LRP1B: variants seen among roughly 807,000 people sequenced by gnomAD.
The protein encoded by LRP1B is LDL receptor related protein 1B.
A neutral mutation model predicts 556.6 loss-of-function variants in LRP1B; 217 were observed. That is an observed-to-expected ratio of 0.39 (90% confidence interval 0.35 to 0.44). The LOEUF (loss-of-function observed/expected upper bound fraction) is 0.44, where lower values mean the gene tolerates loss of function less well. LRP1B is among the 20% of genes least tolerant of loss of function. LRP1B has a pLI of 1.00. For synonymous variants in LRP1B, 2,047 were observed against 1,865.8 expected, an observed-to-expected ratio of 1.10 and a Z score of -2.50; for missense variants, 5,053 against 5,620.8, an observed-to-expected ratio of 0.90 and a Z score of 3.23.
intron 2 of LRP1B, among the ~76,000 whole-genome samples, chr2:141,783,510 AC>A (rs1368511284): frequency 6.6e-6 from 1 of 151,982 alleles, no homozygotes; most frequent in East Asian, 1.9e-4. Context: ...TTCCTAATAC[AC>A]CCAGCTCTAT....
At chr2:140,771,104 A>T (rs777306568) in intron 33 of LRP1B, 98 bp from the exon 34 acceptor site, 28 of 777,638 alleles carry the variant, frequency 3.6e-5, no homozygotes, top group Non-Finnish European at 5.4e-5. Flanking sequence ...TATGCTATTG[A>T]TTTCTAAATG....
chr2:140,721,730 T>G (rs1421994005), intron 35 of LRP1B, among the ~76,000 whole-genome samples: 1 of 117,208 alleles, frequency 8.5e-6, no homozygotes, highest in Non-Finnish European at 1.9e-5. Flanking sequence ...TTTTTTTTTT[T>G]GTATTTTTAG....
chr2:141,142,747 A>T (rs1287034700), intron 7 of LRP1B, among the ~76,000 whole-genome samples: 1 of 152,028 alleles, frequency 6.6e-6, no homozygotes, highest in African/African-American at 2.4e-5. Flanking sequence ...GAATGTGCTC[A>T]TAACATTCCT....
intron 1 of LRP1B, among the ~76,000 whole-genome samples, chr2:142,128,974 G>A (rs1452141228): frequency 6.6e-6 from 1 of 152,106 alleles, no homozygotes; most frequent in East Asian, 1.9e-4. Context: ...GTATACAAAA[G>A]CATTGAGAAC....
intron 2 of LRP1B, among the ~76,000 whole-genome samples, chr2:141,481,252 A>C (rs1682909308): frequency 6.6e-6 from 1 of 152,156 alleles, no homozygotes; most frequent in Non-Finnish European, 1.5e-5. Flanking sequence ...CTCAAAGTTT[A>C]CCCATTCCAA....
At chr2:140,801,693 T>C (rs1463963447) in intron 32 of LRP1B, among the ~76,000 whole-genome samples, 1 of 152,118 alleles carries the variant, frequency 6.6e-6, no homozygotes, top group Non-Finnish European at 1.5e-5. Context: ...CTAATAATGC[T>C]GTGATAACAA....
At chr2:140,375,332 C>A (rs1052725064) in intron 68 of LRP1B, among the ~76,000 whole-genome samples, 2 of 151,848 alleles carry the variant, frequency 1.3e-5, no homozygotes, top group South Asian at 4.2e-4. Context: ...CAGATGTTAG[C>A]AGCTCATCTT....
chr2:141,186,619 C>A (rs1459623302), intron 7 of LRP1B, among the ~76,000 whole-genome samples: 1 of 152,090 alleles, frequency 6.6e-6, no homozygotes, highest in Admixed American at 6.6e-5. Flanking sequence ...TTCCAAAGAA[C>A]CTATTCTGAT....
At chr2:141,796,981 T>C (rs6749148) in intron 2 of LRP1B, among the ~76,000 whole-genome samples, 15,518 of 151,208 alleles carry the variant, frequency 0.1, 870 homozygotes, top group Middle Eastern at 0.22. Context: ...AAAGGTAGAC[T>C]GTCCGTGTCT....
At chr2:141,072,209 A>C (rs1049798453) in intron 7 of LRP1B, among the ~76,000 whole-genome samples, 25 of 152,118 alleles carry the variant, frequency 1.6e-4, no homozygotes, top group Admixed American at 7.9e-4. Flanking sequence ...TATTATGCTC[A>C]AATGGTAAAA....
chr2:141,409,958 T>G (rs995231292), intron 3 of LRP1B, among the ~76,000 whole-genome samples: 10 of 151,910 alleles, frequency 6.6e-5, no homozygotes, highest in Non-Finnish European at 1.2e-4. Flanking sequence ...ATGCACTGAG[T>G]TCACTGTAGA....
chr2:142,112,347 C>T (rs1008853382), intron 1 of LRP1B, among the ~76,000 whole-genome samples: 7 of 151,564 alleles, frequency 4.6e-5, no homozygotes, highest in African/African-American at 1.7e-4. Flanking sequence ...GGAGGGACTA[C>T]AATTCATTAT....
intron 37 of LRP1B, among the ~76,000 whole-genome samples, chr2:140,704,517 T>C (rs1158838721): frequency 6.6e-6 from 1 of 152,108 alleles, no homozygotes; most frequent in Non-Finnish European, 1.5e-5. Context: ...ATTGGTAAGA[T>C]ATAATTGAAG....
chr2:140,442,708 A>AC, intron 65 of LRP1B, 85 bp from the exon 66 acceptor site: 1 of 1,365,016 alleles, frequency 7.3e-7, no homozygotes. Context: ...AATGTTTAAG[A>AC]CAGTTTATCG....
rs557725619 is a variant in LRP1B at position 141,650,127 on chromosome 2, C to T, written c.205+160152G>A. ...TCCAGGAGGCGGAGGTTGCAGTCAG[C>T]CAAGATTGTGCCAATGCACTCCAGC... On this transcript the variant is annotated intron_variant, in intron 2 of 90. Coordinates refer to ENST00000389484, the MANE Select transcript of LRP1B (RefSeq NM_018557.3). Among the ~76,000 whole-genome samples, 3 of 152,278 alleles carry T rather than the reference C, an allele frequency of 2.0e-5. No individual in the cohort carries two copies. In the South Asian group the frequency reaches 6.2e-4, roughly 32 times the overall value.
intron 43 of LRP1B, among the ~76,000 whole-genome samples, chr2:140,574,419 T>C (rs1189792384): frequency 6.6e-6 from 1 of 152,138 alleles, no homozygotes; most frequent in Non-Finnish European, 1.5e-5. Flanking sequence ...GTGCCATAAA[T>C]GGCATGAACA....
At position 140,386,037 on chromosome 2, in the gene LRP1B, T is replaced by C. The variant is rs139843459; in HGVS notation, c.10415-28A>G. The C allele has an allele frequency of 1.2e-3, 1,741 of 1,416,814 alleles. 10 individuals are homozygous for C. Among genetic ancestry groups the C allele is most frequent in the African/African-American group, 0.011 (809 of 70,478 alleles). 87.8% of individuals were successfully genotyped at this position (1,416,814 alleles called of 1,614,324 possible). On this transcript the variant is annotated intron_variant, in intron 66 of 90. Coordinates refer to ENST00000389484, the MANE Select transcript of LRP1B (RefSeq NM_018557.3). ...GTAATGGAAAGAACCAGAGTTTGCA[T>C]TGTAGATTTCCATGAAGACATCCCT...
At position 141,955,892 on chromosome 2, in the gene LRP1B, A is replaced by G. The variant is rs149548410; in HGVS notation, c.83-145491T>C. ...TTCTCTTAAGCCTGCCTAAAATTTT[A>G]TACATAATCCATTTATAAAGTTATC... On this transcript the variant is annotated intron_variant, in intron 1 of 90. Transcript: ENST00000389484. Among the ~76,000 whole-genome samples the G allele has an allele frequency of 3.4e-3, 516 of 152,186 alleles. 2 individuals are homozygous for G. Among genetic ancestry groups the G allele is most frequent in the African/African-American group, 0.012 (481 of 41,534 alleles).
At chr2:140,898,934 T>C in intron 23 of LRP1B, 1 of 369,894 alleles carries the variant, frequency 2.7e-6, no homozygotes. Context: ...TCAATAAAGA[T>C]ATCTGGCTGT....
Sources: gnomAD v4.1 joint callset for allele counts (sites outside exome capture counted in the v4.1 genomes callset) on GRCh38, gnomAD v4.1.1 for gene constraint, MANE v1.5 for transcripts, NCBI Gene and HGNC (gene_info 2026-07-23, HGNC 2026-07-21) for gene names.